RYR3: variants seen among roughly 807,000 people sequenced by gnomAD.
RYR3 encodes the protein ryanodine receptor 3.
In RYR3, 207 loss-of-function variants were observed where a neutral mutation model predicts 584.3. The observed-to-expected ratio is 0.35, with a 90% CI of 0.32 to 0.40. The LOEUF (loss-of-function observed/expected upper bound fraction) is 0.40. Ranked by LOEUF, RYR3 falls within the 10% of genes least tolerant of loss-of-function variation. The pLI is 1.00. For missense variants in RYR3, 5,616 were observed against 6,089.2 expected, an observed-to-expected ratio of 0.92 and a Z score of 2.59; for synonymous variants, 2,416 against 2,248.5, an observed-to-expected ratio of 1.07 and a Z score of -2.11.
At chr15:33,432,472 A>G (rs1422501271) in intron 1 of RYR3, among the ~76,000 whole-genome samples, 2 of 151,936 alleles carry the variant, frequency 1.3e-5, no homozygotes, top group Non-Finnish European at 2.9e-5. Flanking sequence ...GTTTTGCAGC[A>G]CTGTTGCATT....
Position 33,446,609 on chromosome 15 carries a change from A to T in RYR3, c.52-26810A>T, listed in dbSNP as rs2046690082. On this transcript the variant is annotated intron_variant, in intron 1 of 103. Coordinates refer to ENST00000634891, the MANE Select transcript of RYR3 (RefSeq NM_001036.6). Reference sequence around the variant, plus strand: ...ATCTCTTCTTCTAAAGACACCAGTGAGATTGGATTAGGGCCCACCGTATGA... The same window carrying T: ...ATCTCTTCTTCTAAAGACACCAGTGTGATTGGATTAGGGCCCACCGTATGA... Among the ~76,000 whole-genome samples, 4 of 152,262 alleles carry T rather than the reference A, an allele frequency of 2.6e-5. No homozygotes were observed. In the South Asian group the frequency reaches 8.3e-4, roughly 32 times the overall value.
chr15:33,668,601 T>C (rs929332663), intron 36 of RYR3, among the ~76,000 whole-genome samples: 37 of 152,202 alleles, frequency 2.4e-4, no homozygotes, highest in African/African-American at 8.7e-4. Flanking sequence ...GGATAGGACA[T>C]TTTTCACCCA....
intron 103 of RYR3, 199 bp from the exon 104 acceptor site, chr15:33,864,932 C>T (rs1889953949): frequency 3.9e-6 from 2 of 511,916 alleles, no homozygotes; most frequent in Admixed American, 3.6e-5. Flanking sequence ...TCCTTCCCTG[C>T]CAGCATGTGT....
At chr15:33,519,443 A>G (rs1319041331) in intron 3 of RYR3, among the ~76,000 whole-genome samples, 1 of 152,086 alleles carries the variant, frequency 6.6e-6, no homozygotes, top group East Asian at 1.9e-4. Flanking sequence ...GTCCAAAAGG[A>G]TGCTTCCGAG....
intron 2 of RYR3, among the ~76,000 whole-genome samples, chr15:33,492,652 T>C (rs1405713590): frequency 1.3e-5 from 2 of 152,196 alleles, no homozygotes; most frequent in Non-Finnish European, 2.9e-5. Context: ...GTCCATGAAC[T>C]GCATGCAGCT....
chr15:33,574,913 T>G (rs2058217129), intron 12 of RYR3, among the ~76,000 whole-genome samples: 1 of 152,030 alleles, frequency 6.6e-6, no homozygotes, highest in Admixed American at 6.6e-5. Context: ...TGCATAAGCT[T>G]GAAATAAAGG....
At chr15:33,783,616 G>A (rs559913480) in intron 65 of RYR3, among the ~76,000 whole-genome samples, 162 of 152,274 alleles carry the variant, frequency 1.1e-3, no homozygotes, top group Admixed American at 4.1e-3. Context: ...TTAAACAAAC[G>A]CACCTGAGCC....
At chr15:33,846,260 T>C (rs964482977) in intron 93 of RYR3, among the ~76,000 whole-genome samples, 9 of 152,148 alleles carry the variant, frequency 5.9e-5, no homozygotes, top group African/African-American at 2.2e-4. Context: ...ACTGGTACAG[T>C]GTCATTTCCA....
chr15:33,546,075 C>G (rs1203521770), intron 8 of RYR3, among the ~76,000 whole-genome samples: 1 of 152,204 alleles, frequency 6.6e-6, no homozygotes, highest in Admixed American at 6.5e-5. Context: ...TACTCCTCTC[C>G]TTGGAATTGT....
At chr15:33,486,355 T>A (rs2050421808) in intron 2 of RYR3, among the ~76,000 whole-genome samples, 1 of 152,278 alleles carries the variant, frequency 6.6e-6, no homozygotes, top group Admixed American at 6.5e-5. Context: ...TGTGGAAGCA[T>A]AACCCCAGTC....
chr15:33,742,551 T>G lies in RYR3; in HGVS notation c.7899+107T>G, dbSNP rs796727729. The G allele has an allele frequency of 3.7e-5, 28 of 762,214 alleles. No homozygotes were observed. The African/African-American group carries it at 4.8e-4, about 13-fold the overall frequency. The allele number at this position is 762,214 out of a possible 1,614,324, so 47.2% of individuals were successfully genotyped here. A position where few individuals can be genotyped will look rare whatever the true frequency, so the allele number is the denominator to read the frequency against. On this transcript the variant is annotated intron_variant, in intron 52 of 103. Coordinates refer to ENST00000634891, the MANE Select transcript of RYR3 (RefSeq NM_001036.6). The stretch of plus-strand genomic sequence containing the variant: ...CCTGATTTGTCTAAGTAACAGATTT[T>G]CCATGCCGAGAGCATTCATTATTTC...
chr15:33,438,498 A>G (rs1203014621), intron 1 of RYR3, among the ~76,000 whole-genome samples: 1 of 152,150 alleles, frequency 6.6e-6, no homozygotes, highest in African/African-American at 2.4e-5. Flanking sequence ...AAGGCCACCG[A>G]GTCCCAACCC....
intron 1 of RYR3, among the ~76,000 whole-genome samples, chr15:33,365,653 C>A (rs995247156): frequency 2.0e-5 from 3 of 152,170 alleles, no homozygotes; most frequent in Non-Finnish European, 2.9e-5. Context: ...CTGTATTGTA[C>A]ACTTAGAATT....
chr15:33,847,960 G>A (rs1419647936), intron 93 of RYR3, among the ~76,000 whole-genome samples: 1 of 152,182 alleles, frequency 6.6e-6, no homozygotes, highest in Non-Finnish European at 1.5e-5. Context: ...TCCAGCCGAG[G>A]AGCCTTAGGA....
chr15:33,313,564 G>C (rs1595679311), intron 1 of RYR3, among the ~76,000 whole-genome samples: 1 of 152,166 alleles, frequency 6.6e-6, no homozygotes, highest in Non-Finnish European at 1.5e-5. Context: ...TCTCTCCTCT[G>C]GGTATGTCTG....
chr15:33,448,631 G>T (rs1203451444), intron 1 of RYR3, among the ~76,000 whole-genome samples: 1 of 152,236 alleles, frequency 6.6e-6, no homozygotes, highest in African/African-American at 2.4e-5. Context: ...AGGGCCTTTT[G>T]CTGCTAGACC....
chr15:33,662,485 T>A lies in RYR3; in HGVS notation c.4955T>A (p.Leu1652Gln). ...CCGGACGAGTCCAAGAGGCATGGAC[T>A]GCCTGGGGTGGGCCTGAGAACATGT... ...LFPDESKRHG[L>Q]PGVGLRTCLK... The change falls in exon 35 of 104, where the codon CTG (leucine) becomes CAG (glutamine). Residue 1652 changes from leucine to glutamine, a missense_variant. This residue lies in a region of RYR3 where 753 missense variants were observed against 741.0 expected (regional missense o/e 1.02). Coordinates refer to ENST00000634891, the MANE Select transcript of RYR3 (RefSeq NM_001036.6). The A allele has an allele frequency of 6.2e-7, 1 of 1,614,028 alleles. No homozygotes were observed. The highest frequency in any genetic ancestry group is 8.5e-7 in the Non-Finnish European group (1 of 1,179,876).
rs1246263234 is a variant in RYR3 at position 33,601,943 on chromosome 15, CTG to C, written c.1922+394_1922+395del. On this transcript the variant is annotated intron_variant, in intron 17 of 103. Coordinates refer to ENST00000634891, the MANE Select transcript of RYR3 (RefSeq NM_001036.6). Reference sequence around the variant, plus strand: ...CATAGAATGGATGTCCCAAGTGAGACTGTGGCTTCTTGCATCCTCTGGCTCAT... The same window carrying C: ...CATAGAATGGATGTCCCAAGTGAGACTGGCTTCTTGCATCCTCTGGCTCAT... 2.0e-5 allele frequency among the ~76,000 whole-genome samples: 3 copies of C among 152,318 alleles called. No homozygotes were observed. The East Asian group carries it at 5.8e-4, about 29-fold the overall frequency.
chr15:33,373,392 A>T (rs191932139), intron 1 of RYR3, among the ~76,000 whole-genome samples: 32 of 152,336 alleles, frequency 2.1e-4, no homozygotes, highest in Admixed American at 8.5e-4. Context: ...TACTTAAATC[A>T]TGTTTCTGTA....
Sources: gnomAD v4.1 joint callset for allele counts (sites outside exome capture counted in the v4.1 genomes callset) on GRCh38, gnomAD v4.1.1 for gene constraint, gnomAD v4.1.1 regional missense constraint, MANE v1.5 for transcripts, NCBI Gene and HGNC (gene_info 2026-07-23, HGNC 2026-07-21) for gene names.